The following ZNF385D variants were observed in gnomAD, a reference collection of about 807,000 sequenced individuals.
The protein encoded by ZNF385D is zinc finger protein 659.
A neutral mutation model predicts 35.8 loss-of-function variants in ZNF385D; 15 were observed. That is an observed-to-expected ratio of 0.42 (90% CI 0.28 to 0.64). The LOEUF (loss-of-function observed/expected upper bound fraction) is 0.64. ZNF385D is among the 30% of genes least tolerant of loss of function. The pLI, the probability that ZNF385D is intolerant of heterozygous loss-of-function variation, is 0.23. For synonymous variants in ZNF385D, 212 were observed against 186.8 expected (o/e 1.13, Z -1.10); for missense variants, 474 against 494.6 (o/e 0.96, Z 0.39).
chr3:22,137,114 T>C (rs975457242), intron 3 of ZNF385D, among the ~76,000 whole-genome samples: 4 of 152,134 alleles, frequency 2.6e-5, no homozygotes, highest in Non-Finnish European at 5.9e-5. Flanking sequence ...AAACTAATAT[T>C]TGGGGAGCTG....
At chr3:21,825,881 C>A (rs1694581978) in intron 3 of ZNF385D, among the ~76,000 whole-genome samples, 1 of 152,198 alleles carries the variant, frequency 6.6e-6, no homozygotes, top group African/African-American at 2.4e-5. Flanking sequence ...AGGTTACGGC[C>A]TGAGCTCCGC....
At chr3:21,762,487 T>G (rs1334756612) in intron 3 of ZNF385D, among the ~76,000 whole-genome samples, 2 of 152,180 alleles carry the variant, frequency 1.3e-5, no homozygotes, top group Non-Finnish European at 2.9e-5. Flanking sequence ...TAGTGACTAC[T>G]TTCCTTAGGC....
intron 1 of ZNF385D, among the ~76,000 whole-genome samples, chr3:21,679,969 G>T (rs1272829746): frequency 6.6e-6 from 1 of 152,074 alleles, no homozygotes; most frequent in Admixed American, 6.6e-5. Context: ...TATTGTATGA[G>T]AGAGACTCGC....
intron 3 of ZNF385D, among the ~76,000 whole-genome samples, chr3:21,903,621 A>G (rs1403173232): frequency 1.3e-5 from 2 of 152,182 alleles, no homozygotes; most frequent in African/African-American, 4.8e-5. Context: ...AATTCATTGA[A>G]CTGTACATTT....
intron 3 of ZNF385D, among the ~76,000 whole-genome samples, chr3:21,871,174 G>A (rs1697671291): frequency 6.6e-6 from 1 of 152,064 alleles, no homozygotes. Flanking sequence ...CACCAGACAT[G>A]CTGTTGTACC....
chr3:21,426,377 A>G (rs888099095), intron 5 of ZNF385D, among the ~76,000 whole-genome samples: 2 of 152,154 alleles, frequency 1.3e-5, no homozygotes, highest in African/African-American at 2.4e-5. Flanking sequence ...TTAATAAACA[A>G]ATAACATCTT....
At chr3:21,815,784 T>C (rs1559650967) in intron 3 of ZNF385D, among the ~76,000 whole-genome samples, 1 of 152,118 alleles carries the variant, frequency 6.6e-6, no homozygotes, top group African/African-American at 2.4e-5. Flanking sequence ...CTTCTGAAAC[T>C]ATTCCAATCA....
chr3:21,751,412 C>A (rs573717244), upstream of ZNF385D: 205 of 1,010,978 alleles, frequency 2.0e-4, 1 homozygote, highest in East Asian at 2.9e-3. Flanking sequence ...CACACAGGAA[C>A]ACACAGGAGA....
intron 3 of ZNF385D, among the ~76,000 whole-genome samples, chr3:21,901,335 T>C (rs1699402961): frequency 6.6e-6 from 1 of 152,162 alleles, no homozygotes; most frequent in Non-Finnish European, 1.5e-5. Flanking sequence ...ATCTTCATCA[T>C]CATATTTACC....
intron 2 of ZNF385D, among the ~76,000 whole-genome samples, chr3:21,643,903 A>G (rs1304673280): frequency 2.0e-5 from 3 of 152,162 alleles, no homozygotes; most frequent in African/African-American, 4.8e-5. Flanking sequence ...AAGGGCAACA[A>G]TAGCAACTTA....
intron 3 of ZNF385D, among the ~76,000 whole-genome samples, chr3:21,536,170 T>C (rs1292108686): frequency 1.3e-5 from 2 of 152,056 alleles, no homozygotes; most frequent in Non-Finnish European, 2.9e-5. Context: ...TAGCTGACAA[T>C]TGGGAATTTA....
intron 2 of ZNF385D, among the ~76,000 whole-genome samples, chr3:22,199,046 G>C (rs147063286): frequency 5.8e-4 from 88 of 152,100 alleles, no homozygotes; most frequent in African/African-American, 2.0e-3. Context: ...TATGCTTATT[G>C]ATTGGTCTCG....
In ZNF385D at chr3:21,539,020, C is replaced by A. The variant is rs140429378; in HGVS notation, c.276+25554G>T. 1.9e-3 allele frequency among the ~76,000 whole-genome samples: 282 copies of A among 152,052 alleles called. 2 individuals carry two copies. The highest frequency in any genetic ancestry group is 6.6e-3 in the African/African-American group (275 of 41,502). ...AAAATGACAAGTTCCTTGTGGTAAA[C>A]CATTTGACTAGTCTCTCTGGTCTGA... is the stretch of plus-strand genomic sequence containing the variant. On this transcript the variant is annotated intron_variant, in intron 3 of 7. Coordinates refer to ENST00000281523, the MANE Select transcript of ZNF385D (RefSeq NM_024697.3). This position sits in a 1 kb window ranked among gnomAD's most constrained non-coding sequence, Gnocchi z 4.0.
At chr3:21,727,051 G>C (rs371892981) in intron 1 of ZNF385D, among the ~76,000 whole-genome samples, 26 of 152,272 alleles carry the variant, frequency 1.7e-4, no homozygotes, top group African/African-American at 6.3e-4. Context: ...TGACAAACTT[G>C]ACACAAAGAA....
intron 2 of ZNF385D, among the ~76,000 whole-genome samples, chr3:21,582,320 A>G (rs970116220): frequency 6.6e-6 from 1 of 152,180 alleles, no homozygotes; most frequent in Non-Finnish European, 1.5e-5. Flanking sequence ...ACAAAAACTG[A>G]TGGAGAAAAC....
At chr3:22,162,948 C>T (rs78460386) in intron 3 of ZNF385D, among the ~76,000 whole-genome samples, 1,644 of 152,152 alleles carry the variant, frequency 0.011, 35 homozygotes, top group African/African-American at 0.038. Flanking sequence ...AGATCTATAC[C>T]TGTGAAGCGT....
At chr3:21,488,987 T>A (rs987929498) in intron 4 of ZNF385D, among the ~76,000 whole-genome samples, 1 of 152,110 alleles carries the variant, frequency 6.6e-6, no homozygotes, top group African/African-American at 2.4e-5. Context: ...ACGAGCACAT[T>A]TGCAGTTAGA....
chr3:22,258,987 T>C (rs1700466533), intron 2 of ZNF385D, among the ~76,000 whole-genome samples: 1 of 151,074 alleles, frequency 6.6e-6, no homozygotes, highest in South Asian at 2.1e-4. Flanking sequence ...TAATTACAGA[T>C]GTACTTATTT....
chr3:22,199,144 A>T (rs1010593261), intron 2 of ZNF385D, among the ~76,000 whole-genome samples: 1 of 149,384 alleles, frequency 6.7e-6, no homozygotes, highest in African/African-American at 2.6e-5. Context: ...CACAAAAAAC[A>T]TAATCTCATC....
Sources: gnomAD v4.1 joint callset for allele counts (sites outside exome capture counted in the v4.1 genomes callset) on GRCh38, gnomAD v4.1.1 for gene constraint, Gnocchi (gnomAD v3.1) non-coding constraint, MANE v1.5 for transcripts, NCBI Gene and HGNC (gene_info 2026-07-23, HGNC 2026-07-21) for gene names.